PLEKHG4B: variants seen among roughly 807,000 people sequenced by gnomAD.
The protein encoded by PLEKHG4B is pleckstrin homology domain-containing family G member 4B.
In PLEKHG4B, 111 loss-of-function variants were observed where a neutral mutation model predicts 121.3. That is an observed-to-expected ratio of 0.92 (90% CI 0.78 to 1.07). The LOEUF is 1.07. Ranked by LOEUF, PLEKHG4B falls within the 50% of genes least tolerant of loss-of-function variation. The pLI is 0.00. For missense variants in PLEKHG4B, 1,831 were observed against 1,757.8 expected, an observed-to-expected ratio of 1.04 and a Z score of -0.74; for synonymous variants, 738 against 725.0, an observed-to-expected ratio of 1.02 and a Z score of -0.29.
At position 139,359 on chromosome 5, in the gene PLEKHG4B, C is replaced by T. The variant is rs917635582; in HGVS notation, c.244-124C>T. 9.0e-5 allele frequency: 36 copies of T among 398,166 alleles called. No individual in the cohort carries two copies. Among genetic ancestry groups the T allele is most frequent in the Non-Finnish European group, 1.4e-4 (32 of 226,382 alleles). 24.7% of individuals were successfully genotyped at this position (398,166 alleles called of 1,614,324 possible). A position where few individuals can be genotyped will look rare whatever the true frequency, so the allele number is the denominator to read the frequency against. ...CCAAGGAACAGGACACCCCAGCCCC[C>T]GTGAGACCCCTTCCTTGTGGGAGCT... is the stretch of plus-strand genomic sequence containing the variant. On this transcript the variant is annotated intron_variant, in intron 2 of 19. Transcript: ENST00000637938. This position sits in a 1 kb window ranked among gnomAD's most constrained non-coding sequence, Gnocchi z 5.0.
intron 1 of PLEKHG4B, among the ~76,000 whole-genome samples, chr5:92,502 GAA>G (rs1733494792): frequency 7.8e-6 from 1 of 128,142 alleles, no homozygotes; most frequent in African/African-American, 3.0e-5. Context: ...GGGGCGGGGT[GAA>G]GGCGCGAGCA....
chr5:104,818 G>A lies in PLEKHG4B; in HGVS notation c.46-8433G>A, dbSNP rs1019424575. On this transcript the variant is annotated intron_variant, in intron 1 of 19. Transcript: ENST00000637938. ...TTTAGGAAAAGCACAACAATCATGC[G>A]TAATTTAAATCATATCTGTGGTTTT... is the stretch of plus-strand genomic sequence containing the variant. 8.5e-5 allele frequency among the ~76,000 whole-genome samples: 13 copies of A among 152,236 alleles called. 1 individual carries two copies. The South Asian group carries it at 1.0e-3, about 12-fold the overall frequency.
intron 16 of PLEKHG4B, among the ~76,000 whole-genome samples, chr5:172,399 G>A (rs1736588077): frequency 6.6e-6 from 1 of 152,242 alleles, no homozygotes; most frequent in African/African-American, 2.4e-5. Context: ...CAGCTTGAAG[G>A]GATTTCTGTG....
chr5:169,626 C>T (rs1396591129), intron 14 of PLEKHG4B, 34 bp downstream of exon 14: 12 of 1,605,308 alleles, frequency 7.5e-6, no homozygotes, highest in African/African-American at 5.3e-5. Flanking sequence ...TGCCGGGCAA[C>T]GTGGTGGGTG....
rs916302237 is a variant in PLEKHG4B at position 183,587 on chromosome 5, A to G, written c.*1264A>G. The G allele has an allele frequency of 1.3e-5, 2 of 152,248 alleles. No homozygotes were observed. The highest frequency in any genetic ancestry group is 4.8e-5 in the African/African-American group (2 of 41,450). The allele number at this position is 152,248 out of a possible 1,614,324, so 9.4% of individuals were successfully genotyped here. A position where few individuals can be genotyped will look rare whatever the true frequency, so the allele number is the denominator to read the frequency against. ...ACCCCGCCTACTAAAAATACAAAAA[A>G]TTAGCCGGGCATGGTGTTGGCCGCC... On this transcript the variant is annotated 3_prime_UTR_variant, in exon 20 of 20. Coordinates refer to ENST00000637938, the MANE Select transcript of PLEKHG4B (RefSeq NM_052909.5).
At chr5:101,746 G>A (rs1733822255) in intron 1 of PLEKHG4B, among the ~76,000 whole-genome samples, 1 of 140,134 alleles carries the variant, frequency 7.1e-6, no homozygotes, top group South Asian at 2.3e-4. Flanking sequence ...CTGTTGTGAG[G>A]TTAATCCATA....
At chr5:135,314 A>T (rs1734924410) in intron 2 of PLEKHG4B, among the ~76,000 whole-genome samples, 1 of 152,080 alleles carries the variant, frequency 6.6e-6, no homozygotes, top group South Asian at 2.1e-4. Context: ...GCTGAAAGAA[A>T]TTAAAGAAGA....
rs746658573 is a variant in PLEKHG4B at position 163,542 on chromosome 5, T to C, written c.3470T>C (p.Val1157Ala). The change falls in exon 13 of 20, where the codon GTG (valine) becomes GCG (alanine). Residue 1157 changes from valine (V) to alanine (A), a missense_variant. Physicochemically the swap from Val to Ala is moderately conservative, Grantham distance 64. Coordinates refer to ENST00000637938, the MANE Select transcript of PLEKHG4B (RefSeq NM_052909.5). Reference sequence around the variant, plus strand: ...GCTGAGGAGGATGGGAGGCAGCAGGTGGGCAGGTGAGGTGGACGTCCCCCT... The same window carrying C: ...GCTGAGGAGGATGGGAGGCAGCAGGCGGGCAGGTGAGGTGGACGTCCCCCT... ...HPAEEDGRQQ[V>A]GSSRLRHIMA... 1.1e-5 allele frequency: 18 copies of C among 1,591,300 alleles called. No homozygotes were observed. The East Asian group carries it at 1.4e-4, about 12-fold the overall frequency.
At chr5:169,163 C>G in intron 13 of PLEKHG4B, 177 bp from the exon 14 acceptor site, 1 of 789,474 alleles carries the variant, frequency 1.3e-6, no homozygotes. Context: ...CACGAGCCCC[C>G]ACGCCTGGCC....
At chr5:173,182 G>C in intron 17 of PLEKHG4B, 115 bp downstream of exon 17, 2 of 994,358 alleles carry the variant, frequency 2.0e-6, no homozygotes, top group Admixed American at 2.4e-5. Context: ...AAGCGGGGAG[G>C]AGCCGCACTG....
At chr5:131,975 A>G (rs781360917) in intron 2 of PLEKHG4B, among the ~76,000 whole-genome samples, 3 of 152,200 alleles carry the variant, frequency 2.0e-5, no homozygotes, top group Non-Finnish European at 4.4e-5. Context: ...ACACTCTTTC[A>G]TGATAAAAAC....
intron 13 of PLEKHG4B, among the ~76,000 whole-genome samples, chr5:165,601 C>G (rs878993830): frequency 1.3e-4 from 4 of 31,734 alleles, no homozygotes; most frequent in Admixed American, 4.9e-4. Flanking sequence ...GGGGCTCACA[C>G]TAATGCTCTG....
chr5:173,112 TC>T (rs1579326372), intron 17 of PLEKHG4B, 45 bp downstream of exon 17: 1 of 1,586,606 alleles, frequency 6.3e-7, no homozygotes, highest in Non-Finnish European at 8.6e-7. Context: ...AGCCAGGCCC[TC>T]CAAGGGGGTC....
At chr5:170,349 C>T (rs1736501687) in intron 14 of PLEKHG4B, among the ~76,000 whole-genome samples, 1 of 151,986 alleles carries the variant, frequency 6.6e-6, no homozygotes, top group Non-Finnish European at 1.5e-5. Flanking sequence ...GTTGCCCAGA[C>T]TGGAGTGCAG....
chr5:111,331 G>A (rs1734151511), intron 1 of PLEKHG4B, among the ~76,000 whole-genome samples: 2 of 152,268 alleles, frequency 1.3e-5, no homozygotes, highest in African/African-American at 4.8e-5. Flanking sequence ...AGTGGCCCCA[G>A]TGGGAGTCAT....
chr5:162,880 G>A lies in PLEKHG4B; in HGVS notation c.2808G>A (p.Pro936=), dbSNP rs114957447. The change falls in exon 13 of 20, where the codon CCG becomes CCA. Residue 936 remains proline (P), a synonymous_variant. Transcript: ENST00000637938. ...AVLKPHALGK[P]WASQQDLWLQ... Reference sequence around the variant, plus strand: ...TGAAGCCTCATGCCCTGGGGAAACCGTGGGCATCACAGCAAGACCTGTGGC... The same window carrying A: ...TGAAGCCTCATGCCCTGGGGAAACCATGGGCATCACAGCAAGACCTGTGGC... 9.5e-5 allele frequency: 145 copies of A among 1,520,758 alleles called. No homozygotes were observed. Among genetic ancestry groups the A allele is most frequent in the Non-Finnish European group, 1.1e-4 (128 of 1,132,892 alleles). 94.2% of individuals were successfully genotyped at this position (1,520,758 alleles called of 1,614,324 possible). A position where few individuals can be genotyped will look rare whatever the true frequency, so the allele number is the denominator to read the frequency against.
intron 14 of PLEKHG4B, 97 bp downstream of exon 14, chr5:169,689 A>G: frequency 2.0e-6 from 3 of 1,531,830 alleles, no homozygotes; most frequent in Non-Finnish European, 1.8e-6. Context: ...AGGCGGTTGG[A>G]ATAGCTTCAG....
chr5:136,454 A>G (rs1734986647), intron 2 of PLEKHG4B, among the ~76,000 whole-genome samples: 1 of 152,084 alleles, frequency 6.6e-6, no homozygotes, highest in Non-Finnish European at 1.5e-5. Context: ...TGAATGAAAA[A>G]CTCCAAAAGC....
Position 163,123 on chromosome 5 carries a change from T to G in PLEKHG4B, c.3051T>G (p.Leu1017=). ...TGTCCGGCCTCCCTGGACGAGCGCT[T>G]CTGTGTGGACAGGACGGGGAGACCC... ...QPLSGLPGRA[L]LCGQDGETLR... is the part of the protein sequence containing the mutation. Residue 1017 remains leucine (L), a synonymous_variant, in exon 13 of 20, where the codon CTT becomes CTG. Transcript: ENST00000637938. 6.4e-7 allele frequency: 1 copy of G among 1,566,412 alleles called. No individual in the cohort carries two copies. Among genetic ancestry groups the G allele is most frequent in the Non-Finnish European group, 8.7e-7 (1 of 1,156,066 alleles).
Sources: allele counts gnomAD v4.1 joint callset (sites outside exome capture counted in the v4.1 genomes callset), GRCh38; gene constraint gnomAD v4.1.1; non-coding constraint Gnocchi (gnomAD v3.1); transcripts MANE v1.5; gene names NCBI Gene and HGNC (gene_info 2026-07-23, HGNC 2026-07-21).